SLC2A14: variants seen among roughly 807,000 people sequenced by gnomAD.
SLC2A14 encodes solute carrier family 2, facilitated glucose transporter member 14.
In SLC2A14, 13 loss-of-function variants were observed where a neutral mutation model predicts 43.0. That is an observed-to-expected ratio of 0.30 (90% CI 0.20 to 0.48). The LOEUF (loss-of-function observed/expected upper bound fraction) is 0.48. Among genes scored for constraint, SLC2A14 ranks in the 20% least tolerant of loss-of-function variants. The pLI, the probability that SLC2A14 is intolerant of heterozygous loss-of-function variation, is 0.99. For synonymous variants in SLC2A14, 190 were observed against 233.8 expected (o/e 0.81, Z 1.71); for missense variants, 428 against 620.4 (o/e 0.69, Z 3.29).
intron 9 of SLC2A14, among the ~76,000 whole-genome samples, chr12:7,818,681 C>CA (rs1321789987): frequency 7.4e-6 from 1 of 135,902 alleles, no homozygotes; most frequent in Non-Finnish European, 1.6e-5. Context: ...AAAACAAAAA[C>CA]AAAAAAATAC....
chr12:7,884,140 G>T lies in SLC2A14; in HGVS notation c.132+6856C>A, dbSNP rs548735936. On this transcript the variant is annotated intron_variant, in intron 1 of 9. Coordinates refer to the SLC2A14 transcript ENST00000539924. ...GGGTTTCACCATGTTAGCCAGGATGGTCTTGATCTGACCTCGTGATCTGCC... is the reference window on the plus strand; with the variant it reads ...GGGTTTCACCATGTTAGCCAGGATGTTCTTGATCTGACCTCGTGATCTGCC... Among the ~76,000 whole-genome samples, 221 of 150,104 alleles carry T rather than the reference G, an allele frequency of 1.5e-3. 1 individual carries two copies. Among genetic ancestry groups the T allele is most frequent in the Middle Eastern group, 3.7e-3 (1 of 272 alleles).
chr12:7,883,348 A>G (rs1246887411), intron 1 of SLC2A14, among the ~76,000 whole-genome samples: 2 of 143,712 alleles, frequency 1.4e-5, no homozygotes, highest in East Asian at 2.1e-4. Context: ...GCTCACTGCA[A>G]CTCAGCCTCC....
chr12:7,842,010 GA>G (rs79332504), intron 2 of SLC2A14, among the ~76,000 whole-genome samples: 1,574 of 123,208 alleles, frequency 0.013, 7 homozygotes, highest in African/African-American at 0.017. Flanking sequence ...TGTCTCAAAA[GA>G]AAAAAAAAAA....
At chr12:7,816,381 G>A (rs1353153660) in intron 10 of SLC2A14, among the ~76,000 whole-genome samples, 1 of 134,410 alleles carries the variant, frequency 7.4e-6, no homozygotes, top group African/African-American at 2.8e-5. Context: ...TGGGATTACA[G>A]GCGTGAGCCA....
At chr12:7,850,782 T>C (rs1220291066) in intron 2 of SLC2A14, 1 of 152,212 alleles carries the variant, frequency 6.6e-6, no homozygotes, top group Admixed American at 6.5e-5. Flanking sequence ...CTGGTTGTGA[T>C]CAGTTGGTTG....
chr12:7,875,089 T>G (rs1388902206), upstream of SLC2A14, among the ~76,000 whole-genome samples: 15 of 46,564 alleles, frequency 3.2e-4, no homozygotes, highest in East Asian at 7.5e-4. Context: ...TAATATTCTA[T>G]TTAAATTTAA....
At chr12:7,817,735 C>CAA (rs3040823) in intron 10 of SLC2A14, 96 bp downstream of exon 10, 403,438 of 997,268 alleles carry the variant, frequency 0.4, 89,854 homozygotes, top group South Asian at 0.6. Flanking sequence ...GACTCAGTCT[C>CAA]AAAAATATAT....
At chr12:7,869,565 A>G (rs1945116322) in intron 2 of SLC2A14, among the ~76,000 whole-genome samples, 1 of 152,168 alleles carries the variant, frequency 6.6e-6, no homozygotes, top group South Asian at 2.1e-4. Context: ...CCAGTTGCAT[A>G]TGATTATTAC....
intron 2 of SLC2A14, among the ~76,000 whole-genome samples, chr12:7,859,545 A>G (rs1944431744): frequency 6.6e-6 from 1 of 152,176 alleles, no homozygotes; most frequent in Admixed American, 6.5e-5. Flanking sequence ...GTGGACTGGA[A>G]AACAAGATGA....
intron 1 of SLC2A14, among the ~76,000 whole-genome samples, chr12:7,882,213 C>T (rs1313032206): frequency 6.6e-6 from 1 of 151,824 alleles, no homozygotes; most frequent in Non-Finnish European, 1.5e-5. Context: ...GCCGGTAAGA[C>T]CAGAAGCCCA....
intron 3 of SLC2A14, among the ~76,000 whole-genome samples, 173 bp downstream of exon 3, chr12:7,832,549 C>G (rs1034872362): frequency 6.6e-6 from 1 of 152,162 alleles, no homozygotes; most frequent in African/African-American, 2.4e-5. Flanking sequence ...CTGTGTTGCT[C>G]AGGATGGTGT....
At chr12:7,883,868 C>T (rs1945638916) in intron 1 of SLC2A14, among the ~76,000 whole-genome samples, 1 of 151,968 alleles carries the variant, frequency 6.6e-6, no homozygotes, top group African/African-American at 2.4e-5. Context: ...CAGGCATGAG[C>T]CACCACGCCT....
intron 2 of SLC2A14, among the ~76,000 whole-genome samples, chr12:7,843,925 T>C (rs1866228751): frequency 6.7e-6 from 1 of 150,286 alleles, no homozygotes; most frequent in Non-Finnish European, 1.5e-5. Flanking sequence ...CTAGTGGTGA[T>C]AGAATTGAGG....
At chr12:7,877,723 C>CA (rs909612884), upstream of SLC2A14, among the ~76,000 whole-genome samples, 31 of 151,826 alleles carry the variant, frequency 2.0e-4, no homozygotes, top group African/African-American at 7.5e-4. Context: ...CCAAACCCAG[C>CA]AAAAAAATTG....
intron 1 of SLC2A14, among the ~76,000 whole-genome samples, chr12:7,889,259 G>C (rs1361040707): frequency 7.6e-6 from 1 of 131,876 alleles, no homozygotes; most frequent in South Asian, 2.4e-4. Flanking sequence ...TTAAGACTGA[G>C]TTTCGCTCTT....
At position 7,830,004 on chromosome 12, in the gene SLC2A14, C is replaced by G. The variant is rs374655537; in HGVS notation, c.275G>C (p.Arg92Pro). The change falls in exon 5 of 11, where the codon CGC becomes CCC. Residue 92 changes from arginine to proline, a missense_variant and splice_region_variant. Around this residue, in one of 4 missense-constraint regions of SLC2A14, gnomAD observed 122 missense variants for 128.8 expected, o/e 0.95. Coordinates refer to ENST00000431042, the MANE Select transcript of SLC2A14 (RefSeq NM_001286234.2). ...VGLFVNRFGR[R>P]NSMLIVNLLA... ...CAGGTTGACAATCAGCATTGAATTG[C>G]GCCTGTAAGGTTAATCAAAGACAAC... The G allele has an allele frequency of 4.3e-6, 7 of 1,614,022 alleles. No homozygotes were observed. The highest frequency in any genetic ancestry group is 5.9e-6 in the Non-Finnish European group (7 of 1,180,018).
intron 5 of SLC2A14, 26 bp from the exon 6 acceptor site, chr12:7,828,892 A>G (rs1464899347): frequency 1.2e-6 from 2 of 1,607,722 alleles, no homozygotes; most frequent in Non-Finnish European, 1.7e-6. Flanking sequence ...AGATAATGCT[A>G]TAAACCCCAT....
At chr12:7,883,493 C>T (rs1401602617) in intron 1 of SLC2A14, among the ~76,000 whole-genome samples, 1 of 150,558 alleles carries the variant, frequency 6.6e-6, no homozygotes, top group Non-Finnish European at 1.5e-5. Flanking sequence ...GTCTTGATCT[C>T]CTGACCTCAT....
rs764000847 is a variant in SLC2A14 at position 7,828,803 on chromosome 12, T to C, written c.577A>G (p.Ile193Val). Residue 193 changes from isoleucine to valine, a missense_variant, in exon 6 of 11, where the codon ATC (isoleucine) becomes GTC (valine). Physicochemically the swap from Ile to Val is conservative, Grantham distance 29. Around this residue, in one of 4 missense-constraint regions of SLC2A14, gnomAD observed 185 missense variants for 275.4 expected, o/e 0.67. Coordinates refer to ENST00000431042, the MANE Select transcript of SLC2A14 (RefSeq NM_001286234.2). The part of the protein sequence containing the change: ...ELWPVLLGFT[I>V]LPAILQSAAL... ...GCACTTTGCAGGATAGCTGGAAGGATGGTAAAGCCTAATAGCACCGGCCAT... is the reference window on the plus strand; with the variant it reads ...GCACTTTGCAGGATAGCTGGAAGGACGGTAAAGCCTAATAGCACCGGCCAT... 3.1e-6 allele frequency: 5 copies of C among 1,614,162 alleles called. No individual in the cohort carries two copies. In the South Asian group the frequency reaches 4.4e-5, roughly 14 times the overall value.
Sources: gnomAD v4.1 joint callset for allele counts (sites outside exome capture counted in the v4.1 genomes callset) on GRCh38, gnomAD v4.1.1 for gene constraint, gnomAD v4.1.1 regional missense constraint, MANE v1.5 for transcripts, NCBI Gene and HGNC (gene_info 2026-07-23, HGNC 2026-07-21) for gene names.